The following IL17D variants were observed in gnomAD, a reference collection of about 807,000 sequenced individuals.
IL17D encodes interleukin-17D.
A neutral mutation model predicts 5.7 loss-of-function variants in IL17D; 10 were observed. The observed-to-expected ratio is 1.75, with a 90% CI of 1.08 to 2.97. The LOEUF is 2.97. IL17D is among the 30% of genes most tolerant of loss of function. IL17D has a pLI of 0.00. For synonymous variants in IL17D, 172 were observed against 141.7 expected, an observed-to-expected ratio of 1.21 and a Z score of -1.52; for missense variants, 354 against 292.7, an observed-to-expected ratio of 1.21 and a Z score of -1.53.
At chr13:20,702,620 T>C (rs1025138298), upstream of IL17D, 1 of 152,246 alleles carries the variant, frequency 6.6e-6, no homozygotes, top group Non-Finnish European at 1.5e-5. Context: ...TTTTAGTTTC[T>C]TCATTCGCAG....
intron 1 of IL17D, among the ~76,000 whole-genome samples, chr13:20,708,060 A>C (rs770618297): frequency 1.3e-5 from 2 of 152,182 alleles, no homozygotes; most frequent in Non-Finnish European, 2.9e-5. Context: ...TTACAGGTGC[A>C]TGCCACCACG....
At chr13:20,708,958 C>A in intron 1 of IL17D, among the ~76,000 whole-genome samples, 1 of 99,438 alleles carries the variant, frequency 1.0e-5, no homozygotes, top group Non-Finnish European at 2.0e-5. Context: ...GAGACTCTGT[C>A]TCAAAAAAAA....
intron 1 of IL17D, among the ~76,000 whole-genome samples, chr13:20,709,142 T>C (rs1043641793): frequency 1.2e-5 from 1 of 83,488 alleles, no homozygotes; most frequent in African/African-American, 6.3e-5. Flanking sequence ...AAGAAGCCCT[T>C]TTTTTTTTTT....
At position 20,721,820 on chromosome 13, in the gene IL17D, G is replaced by T; in HGVS notation, c.475G>T (p.Ala159Ser). 6.2e-7 allele frequency: 1 copy of T among 1,610,426 alleles called. No homozygotes were observed. The change falls in exon 2 of 2, where the codon GCC (alanine) becomes TCC (serine). Residue 159 changes from alanine to serine, a missense_variant. By Grantham distance (99) the Ala-to-Ser change is moderately conservative (BLOSUM62 1). Transcript: ENST00000682841. ...CGGCGGCCGTTCCGTCTACACCGAG[G>T]CCTACGTCACCATCCCCGTGGGCTG... is the stretch of plus-strand genomic sequence containing the variant. ...CAGGRSVYTE[A>S]YVTIPVGCTC... is the part of the protein sequence containing the mutation.
chr13:20,710,050 C>G (rs1318099552), intron 1 of IL17D, among the ~76,000 whole-genome samples: 1 of 152,184 alleles, frequency 6.6e-6, no homozygotes, highest in Non-Finnish European at 1.5e-5. Flanking sequence ...CAGGAGTCAT[C>G]CTGGACCTCT....
intron 1 of IL17D, among the ~76,000 whole-genome samples, chr13:20,719,751 CCT>C (rs2058716653): frequency 6.6e-6 from 1 of 152,132 alleles, no homozygotes; most frequent in African/African-American, 2.4e-5. Context: ...CACAAATGCC[CCT>C]TTCTGCCCTA....
chr13:20,721,232 C>T (rs746634714), intron 1 of IL17D, among the ~76,000 whole-genome samples: 4 of 152,194 alleles, frequency 2.6e-5, no homozygotes, highest in Non-Finnish European at 2.9e-5. Flanking sequence ...CCCTACCTGC[C>T]CCCAGCCTAG....
In IL17D at chr13:20,721,704, T is replaced by G; in HGVS notation, c.359T>G (p.Leu120Arg). The G allele has an allele frequency of 6.2e-7, 1 of 1,611,354 alleles. No individual in the cohort carries two copies. The highest frequency in any genetic ancestry group is 1.1e-5 in the South Asian group (1 of 90,974). Residue 120 changes from leucine to arginine, a missense_variant, in exon 2 of 2, where the codon CTG becomes CGG. Coordinates refer to ENST00000682841, the MANE Select transcript of IL17D (RefSeq NM_001385224.1). Reference sequence around the variant, plus strand: ...GCCTACTGCCTGTGCCGGGGCTGCCTGACCGGGCTGTTCGGCGAGGAGGAC... The same window carrying G: ...GCCTACTGCCTGTGCCGGGGCTGCCGGACCGGGCTGTTCGGCGAGGAGGAC... ...PEAYCLCRGC[L>R]TGLFGEEDVR... is the part of the protein sequence containing the mutation.
Position 20,716,753 on chromosome 13 carries a change from G to A in IL17D, c.291-4883G>A, listed in dbSNP as rs986459428. ...TCTCCACGGACACATTTCGGTGCTTGTGGGTTCTAGCCAAGATTGGAGAAG... is the reference window on the plus strand; with the variant it reads ...TCTCCACGGACACATTTCGGTGCTTATGGGTTCTAGCCAAGATTGGAGAAG... On this transcript the variant is annotated intron_variant, in intron 1 of 1. Transcript: ENST00000682841. The surrounding 1 kb of genome is among the most constrained non-coding windows in gnomAD (Gnocchi z 4.2). Among the ~76,000 whole-genome samples, 2 of 152,240 alleles carry A rather than the reference G, an allele frequency of 1.3e-5. No homozygotes were observed. Among genetic ancestry groups the A allele is most frequent in the Admixed American group, 1.3e-4 (2 of 15,286 alleles).
chr13:20,714,102 C>T (rs1358556657), intron 1 of IL17D: 1 of 152,264 alleles, frequency 6.6e-6, no homozygotes, highest in Non-Finnish European at 1.5e-5. Flanking sequence ...TGTTTCCCAG[C>T]TGCAATGAAT....
chr13:20,706,639 T>C (rs1321141809), intron 1 of IL17D, among the ~76,000 whole-genome samples: 1 of 152,208 alleles, frequency 6.6e-6, no homozygotes, highest in Non-Finnish European at 1.5e-5. Context: ...GGCGTACAGG[T>C]GACAATGACT....
chr13:20,710,628 TAAAAAAAA>T (rs11445353), intron 1 of IL17D, among the ~76,000 whole-genome samples: 2 of 55,266 alleles, frequency 3.6e-5, no homozygotes, highest in African/African-American at 8.0e-5. Context: ...AAACTCTGTC[TAAAAAAAA>T]AAAAAAAAAA....
intron 1 of IL17D, 89 bp from the exon 2 acceptor site, chr13:20,721,547 G>T: frequency 2.6e-6 from 3 of 1,134,992 alleles, no homozygotes; most frequent in South Asian, 1.6e-5. Context: ...CAGTCCCCGA[G>T]GCCCTCCCCG....
intron 1 of IL17D, among the ~76,000 whole-genome samples, chr13:20,711,117 A>C (rs1258993532): frequency 6.6e-6 from 1 of 151,812 alleles, no homozygotes; most frequent in East Asian, 1.9e-4. Flanking sequence ...ATACAAAATT[A>C]GCTGAGCGTG....
intron 1 of IL17D, among the ~76,000 whole-genome samples, chr13:20,704,776 C>T (rs1359199369): frequency 1.3e-5 from 2 of 151,922 alleles, no homozygotes; most frequent in African/African-American, 4.8e-5. Context: ...GTACTCTGCA[C>T]AGGGGGCCCG....
At chr13:20,719,257 G>C (rs966753082) in intron 1 of IL17D, among the ~76,000 whole-genome samples, 1 of 130,870 alleles carries the variant, frequency 7.6e-6, no homozygotes, top group Non-Finnish European at 1.6e-5. Flanking sequence ...GCCCAAACAT[G>C]CCCACACACA....
At chr13:20,714,772 G>C (rs557742314) in intron 1 of IL17D, among the ~76,000 whole-genome samples, 3 of 152,218 alleles carry the variant, frequency 2.0e-5, no homozygotes, top group Non-Finnish European at 2.9e-5. Flanking sequence ...ATGCACGACT[G>C]ATGTTTTCTT....
At chr13:20,721,296 G>A (rs934916232) in intron 1 of IL17D, among the ~76,000 whole-genome samples, 10 of 152,226 alleles carry the variant, frequency 6.6e-5, no homozygotes, top group Admixed American at 5.2e-4. Context: ...GCGGGAAGCA[G>A]CGGCTCCGGG....
chr13:20,718,346 A>G (rs1373249778), intron 1 of IL17D, among the ~76,000 whole-genome samples: 1 of 152,084 alleles, frequency 6.6e-6, no homozygotes, highest in Non-Finnish European at 1.5e-5. Flanking sequence ...GTCCATGCTT[A>G]CACACACGCC....
Sources: allele counts gnomAD v4.1 joint callset (sites outside exome capture counted in the v4.1 genomes callset), GRCh38; gene constraint gnomAD v4.1.1; non-coding constraint Gnocchi (gnomAD v3.1); transcripts MANE v1.5; gene names NCBI Gene and HGNC (gene_info 2026-07-23, HGNC 2026-07-21).